Variants in FGF14 observed in about 807,000 individuals in gnomAD.
FGF14 encodes the protein fibroblast growth factor homologous factor 4.
Under a neutral mutation model 25.5 loss-of-function variants are expected in FGF14, and 5 were observed. The observed-to-expected ratio is 0.20, with a 90% CI of 0.10 to 0.41. The LOEUF is 0.41. Among genes scored for constraint, FGF14 ranks in the 10% least tolerant of loss-of-function variants. The probability of loss-of-function intolerance (pLI) is 1.00; values close to 1 mark genes in which losing one functional copy is unlikely to be tolerated. For synonymous variants in FGF14, 138 were observed against 118.3 expected (o/e 1.17, Z -1.08); for missense variants, 222 against 320.1 (o/e 0.69, Z 2.34).
chr13:102,096,130 T>A lies in FGF14; in HGVS notation c.209-220834A>T, dbSNP rs551153711. Among the ~76,000 whole-genome samples, 3 of 151,876 alleles carry A rather than the reference T, an allele frequency of 2.0e-5. No homozygotes were observed. The South Asian group carries it at 6.2e-4, about 32-fold the overall frequency. On this transcript the variant is annotated intron_variant, in intron 1 of 4. Coordinates refer to the FGF14 transcript ENST00000376131. ...AGTATATCAAAGAAAAGTTATTAGG[T>A]TAAAATAGAAATAATGACCTTTTAG...
chr13:101,871,739 G>C (rs2045100953), intron 2 of FGF14, among the ~76,000 whole-genome samples: 1 of 152,026 alleles, frequency 6.6e-6, no homozygotes, highest in Admixed American at 6.6e-5. Context: ...TCATGGGGAT[G>C]CTGACATTTA....
At chr13:102,166,809 G>A (rs2048031663) in intron 1 of FGF14, among the ~76,000 whole-genome samples, 1 of 152,158 alleles carries the variant, frequency 6.6e-6, no homozygotes, top group South Asian at 2.1e-4. Context: ...TTGAGGGGCT[G>A]AGGAAAATGT....
chr13:102,120,418 T>C (rs1430475074), intron 1 of FGF14, among the ~76,000 whole-genome samples: 1 of 152,194 alleles, frequency 6.6e-6, no homozygotes, highest in African/African-American at 2.4e-5. Context: ...TGAGGAGAGC[T>C]ATCAGAGAGA....
intron 1 of FGF14, among the ~76,000 whole-genome samples, chr13:102,099,799 C>T (rs1469670594): frequency 6.6e-6 from 1 of 151,882 alleles, no homozygotes; most frequent in African/African-American, 2.4e-5. Context: ...AATTATTTGT[C>T]AGTAATATTA....
At chr13:102,197,710 AAC>A (rs1192781415) in intron 1 of FGF14, among the ~76,000 whole-genome samples, 7 of 152,064 alleles carry the variant, frequency 4.6e-5, no homozygotes. Context: ...TACGTAGCAT[AAC>A]ACACGTATAG....
At chr13:102,252,918 T>C (rs9518685) in intron 1 of FGF14, among the ~76,000 whole-genome samples, 7,193 of 152,234 alleles carry the variant, frequency 0.047, 293 homozygotes, top group East Asian at 0.16. Context: ...GAACAAGTGA[T>C]GTTTGGTTTT....
chr13:102,189,347 G>T (rs1244501872), intron 1 of FGF14, among the ~76,000 whole-genome samples: 1 of 152,120 alleles, frequency 6.6e-6, no homozygotes, highest in Non-Finnish European at 1.5e-5. Flanking sequence ...TGCACTTTAG[G>T]AAAATAACTA....
chr13:101,927,096 C>G (rs868003286), intron 1 of FGF14, among the ~76,000 whole-genome samples: 1 of 152,060 alleles, frequency 6.6e-6, no homozygotes, highest in South Asian at 2.1e-4. Context: ...CCCTTTTGGC[C>G]TTTTTGTGTT....
At chr13:101,929,497 C>A (rs1711787789) in intron 1 of FGF14, among the ~76,000 whole-genome samples, 1 of 152,176 alleles carries the variant, frequency 6.6e-6, no homozygotes. Flanking sequence ...GGGACATTCA[C>A]ACCAGCTGTA....
At chr13:102,336,070 C>T (rs2056779782) in intron 1 of FGF14, among the ~76,000 whole-genome samples, 1 of 152,068 alleles carries the variant, frequency 6.6e-6, no homozygotes, top group African/African-American at 2.4e-5. Flanking sequence ...CCCTACATGG[C>T]CTCTAAGTGT....
chr13:101,710,830 CTT>C lies in FGF14; in HGVS notation c.*11999_*12000del, dbSNP rs2034429593. On this transcript the variant is annotated 3_prime_UTR_variant, in exon 5 of 5. Transcript: ENST00000376143. ...ACGATGAAGAAATAGCGTTTTATTT[CTT>C]TACAAATTTATAGCCAAGACAATAA... 1 of 152,108 alleles carries C rather than the reference CTT, an allele frequency of 6.6e-6. No individual in the cohort carries two copies. The highest frequency in any genetic ancestry group is 1.5e-5 in the Non-Finnish European group (1 of 68,014). The allele number at this position is 152,108 out of a possible 1,614,324, so 9.4% of individuals were successfully genotyped here.
intron 1 of FGF14, among the ~76,000 whole-genome samples, chr13:102,146,387 T>G (rs1166587853): frequency 6.6e-6 from 1 of 152,174 alleles, no homozygotes; most frequent in Non-Finnish European, 1.5e-5. Context: ...TGTCATTAGC[T>G]CATGGGTTTA....
intron 3 of FGF14, among the ~76,000 whole-genome samples, chr13:101,829,946 A>G (rs919662550): frequency 2.6e-5 from 4 of 152,100 alleles, no homozygotes; most frequent in African/African-American, 7.2e-5. Flanking sequence ...TTAGAATCAT[A>G]GGCTTCAAAA....
At chr13:102,263,771 G>A (rs1431935236) in intron 1 of FGF14, among the ~76,000 whole-genome samples, 1 of 152,110 alleles carries the variant, frequency 6.6e-6, no homozygotes, top group Admixed American at 6.5e-5. Flanking sequence ...GACCTATAGG[G>A]AAAATCAGAA....
At chr13:102,242,843 C>T (rs2051672633) in intron 1 of FGF14, among the ~76,000 whole-genome samples, 1 of 152,150 alleles carries the variant, frequency 6.6e-6, no homozygotes, top group Non-Finnish European at 1.5e-5. Flanking sequence ...ATACTACTCC[C>T]TCCAGTGTGC....
At chr13:102,082,614 TTG>T (rs749319702) in intron 1 of FGF14, among the ~76,000 whole-genome samples, 14 of 152,302 alleles carry the variant, frequency 9.2e-5, no homozygotes, top group Non-Finnish European at 1.6e-4. Context: ...TTCCCATGCC[TTG>T]ACAAAGTATA....
chr13:102,115,858 T>C (rs955033979), intron 1 of FGF14, among the ~76,000 whole-genome samples: 1 of 151,968 alleles, frequency 6.6e-6, no homozygotes, highest in African/African-American at 2.4e-5. Context: ...ATGCCTGTAA[T>C]CTCAGCACTT....
chr13:101,830,023 T>C (rs1412840861), intron 3 of FGF14, among the ~76,000 whole-genome samples: 1 of 152,100 alleles, frequency 6.6e-6, no homozygotes, highest in Non-Finnish European at 1.5e-5. Context: ...TCCCACCACT[T>C]ACTCCCTGGG....
At chr13:102,350,679 A>G (rs1232226823) in intron 1 of FGF14, among the ~76,000 whole-genome samples, 1 of 152,224 alleles carries the variant, frequency 6.6e-6, no homozygotes, top group Admixed American at 6.5e-5. Context: ...ATGACCAGTC[A>G]GCCGACAAGC....
Sources: gnomAD v4.1 joint callset for allele counts (sites outside exome capture counted in the v4.1 genomes callset) on GRCh38, gnomAD v4.1.1 for gene constraint, MANE v1.5 for transcripts, NCBI Gene and HGNC (gene_info 2026-07-23, HGNC 2026-07-21) for gene names.